The following TBC1D7 variants were observed in gnomAD, a reference collection of about 807,000 sequenced individuals.
TBC1D7 encodes the protein TBC domain family 7.
In TBC1D7, 33 loss-of-function variants were observed where a neutral mutation model predicts 35.3. The observed-to-expected ratio is 0.93, with a 90% CI of 0.71 to 1.25. TBC1D7 has a LOEUF of 1.25. Among genes scored for constraint, TBC1D7 ranks in the 50% most tolerant of loss-of-function variants. The pLI is 0.00. For missense variants in TBC1D7, 362 were observed against 365.3 expected, an observed-to-expected ratio of 0.99 and a Z score of 0.07; for synonymous variants, 135 against 129.5, an observed-to-expected ratio of 1.04 and a Z score of -0.29.
intron 4 of TBC1D7, 94 bp downstream of exon 4, chr6:13,320,813 CA>C: frequency 7.9e-7 from 1 of 1,259,724 alleles, no homozygotes; most frequent in Non-Finnish European, 1.2e-6. Context: ...AGGGAGCCAC[CA>C]AAAGTTTTTA....
At chr6:13,322,482 T>C (rs894919706) in intron 3 of TBC1D7, among the ~76,000 whole-genome samples, 1 of 152,124 alleles carries the variant, frequency 6.6e-6, no homozygotes, top group Admixed American at 6.5e-5. Flanking sequence ...TATCATACAG[T>C]TGTTGAGATG....
At chr6:13,327,406 T>C (rs1460054639) in intron 1 of TBC1D7, among the ~76,000 whole-genome samples, 1 of 152,282 alleles carries the variant, frequency 6.6e-6, no homozygotes, top group Non-Finnish European at 1.5e-5. Context: ...AGTAGGATTC[T>C]AGATGATTTT....
In TBC1D7 at chr6:13,306,388, GCA is replaced by G; in HGVS notation, c.795+8_795+9del. ...TTTCCAGATTCAAAATCAAATCAAA[GCA>G]CACTTACATTTTCCAGAAACTTTGT... is the stretch of plus-strand genomic sequence containing the variant. On this transcript the variant is annotated splice_region_variant and intron_variant, in intron 7 of 7. Coordinates refer to ENST00000379300, the MANE Select transcript of TBC1D7 (RefSeq NM_016495.6). The G allele has an allele frequency of 6.3e-7, 1 of 1,578,200 alleles. No homozygotes were observed. The highest frequency in any genetic ancestry group is 8.6e-7 in the Non-Finnish European group (1 of 1,169,504).
chr6:13,321,627 T>C (rs1784049593), intron 3 of TBC1D7, among the ~76,000 whole-genome samples: 2 of 152,230 alleles, frequency 1.3e-5, no homozygotes, highest in Admixed American at 1.3e-4. Context: ...TATGACATAT[T>C]AAGCTCCTTA....
intron 5 of TBC1D7, among the ~76,000 whole-genome samples, chr6:13,315,541 C>T (rs1783543693): frequency 1.3e-5 from 2 of 151,998 alleles, no homozygotes; most frequent in African/African-American, 4.8e-5. Context: ...CGATGCAACC[C>T]CGTCTCTACT....
At chr6:13,308,648 G>C (rs557925670) in intron 5 of TBC1D7, among the ~76,000 whole-genome samples, 1 of 149,826 alleles carries the variant, frequency 6.7e-6, no homozygotes, top group South Asian at 2.2e-4. Context: ...TACAACCAGG[G>C]CCCGCATCAC....
chr6:13,310,140 C>T lies in TBC1D7; in HGVS notation c.520-2395G>A, dbSNP rs58378259. Among the ~76,000 whole-genome samples, 1,381 of 152,270 alleles carry T rather than the reference C, an allele frequency of 9.1e-3. 59 individuals are homozygous for T. The East Asian group carries it at 0.13, about 15-fold the overall frequency. On this transcript the variant is annotated intron_variant, in intron 5 of 7. Coordinates refer to ENST00000379300, the MANE Select transcript of TBC1D7 (RefSeq NM_016495.6). ...TTTAGCAAAGTAATTTATGCATTTA[C>T]CCTTTGATCCAGCCAATCTATTTTC...
chr6:13,316,185 T>G (rs1410141155), intron 5 of TBC1D7, among the ~76,000 whole-genome samples: 2 of 152,218 alleles, frequency 1.3e-5, no homozygotes, highest in African/African-American at 2.4e-5. Flanking sequence ...GGCTTCCCAT[T>G]ATATGCAGCC....
intron 1 of TBC1D7, among the ~76,000 whole-genome samples, chr6:13,327,398 T>C (rs1784470302): frequency 6.6e-6 from 1 of 152,250 alleles, no homozygotes; most frequent in Non-Finnish European, 1.5e-5. Flanking sequence ...CTTTAGATAG[T>C]AGGATTCTAG....
At chr6:13,318,963 G>C (rs1470786952) in intron 4 of TBC1D7, 3 of 152,190 alleles carry the variant, frequency 2.0e-5, no homozygotes, top group South Asian at 4.1e-4. Context: ...TAACCTTACA[G>C]TGGAGAAACT....
chr6:13,315,591 C>G (rs912708978), intron 5 of TBC1D7, among the ~76,000 whole-genome samples: 2 of 152,092 alleles, frequency 1.3e-5, no homozygotes, highest in African/African-American at 2.4e-5. Flanking sequence ...GTGGCAGGCA[C>G]CTGTAATCCC....
At chr6:13,311,364 A>G (rs1188411751) in intron 5 of TBC1D7, among the ~76,000 whole-genome samples, 1 of 152,240 alleles carries the variant, frequency 6.6e-6, no homozygotes, top group African/African-American at 2.4e-5. Context: ...GCTATGATGC[A>G]ATCCTAGGAA....
intron 7 of TBC1D7, 73 bp from the exon 8 acceptor site, chr6:13,305,260 G>A (rs1782731850): frequency 2.1e-6 from 3 of 1,408,564 alleles, no homozygotes; most frequent in Non-Finnish European, 2.0e-6. Flanking sequence ...ATTCGCTGTG[G>A]CATGAAATCC....
chr6:13,325,082 TG>T lies in TBC1D7; in HGVS notation c.193+11del, dbSNP rs770323759. On this transcript the variant is annotated intron_variant, in intron 3 of 7. Coordinates refer to ENST00000379300, the MANE Select transcript of TBC1D7 (RefSeq NM_016495.6). ...TTTTTAAGATAAATCTTCCAACTCC[TG>T]GGTCTCATACCTAGAAGCACCTTCC... is the stretch of plus-strand genomic sequence containing the variant. 6.3e-7 allele frequency: 1 copy of T among 1,589,762 alleles called. No homozygotes were observed. The highest frequency in any genetic ancestry group is 1.1e-5 in the South Asian group (1 of 88,008).
intron 1 of TBC1D7, 29 bp from the exon 2 acceptor site, chr6:13,326,935 G>C: frequency 7.5e-7 from 1 of 1,335,820 alleles, no homozygotes; most frequent in South Asian, 1.3e-5. Context: ...AGACAGAAAG[G>C]GAGAGAAAGA....
At chr6:13,321,158 T>C (rs2127539470) in intron 3 of TBC1D7, 63 bp from the exon 4 acceptor site, 4 of 1,453,630 alleles carry the variant, frequency 2.8e-6, no homozygotes, top group Middle Eastern at 1.8e-4. Context: ...AAATCCCTCA[T>C]CTATGAAAGA....
chr6:13,309,483 A>G (rs1267904757), intron 5 of TBC1D7, among the ~76,000 whole-genome samples: 8 of 152,242 alleles, frequency 5.3e-5, no homozygotes, highest in Non-Finnish European at 1.2e-4. Flanking sequence ...GAATTAATAT[A>G]AAGTTTTAAA....
chr6:13,312,872 G>GT (rs1238906587), intron 5 of TBC1D7, among the ~76,000 whole-genome samples: 1 of 150,564 alleles, frequency 6.6e-6, no homozygotes, highest in Non-Finnish European at 1.5e-5. Context: ...TTCAACAAAC[G>GT]TAAGGGATAA....
At chr6:13,325,980 C>T (rs1056810676) in intron 2 of TBC1D7, among the ~76,000 whole-genome samples, 1 of 152,174 alleles carries the variant, frequency 6.6e-6, no homozygotes, top group Non-Finnish European at 1.5e-5. Flanking sequence ...CATACTAAAG[C>T]AAAGACCGCA....
Sources: allele counts gnomAD v4.1 joint callset (sites outside exome capture counted in the v4.1 genomes callset), GRCh38; gene constraint gnomAD v4.1.1; transcripts MANE v1.5; gene names NCBI Gene and HGNC (gene_info 2026-07-23, HGNC 2026-07-21).